The following ASXL2 variants were observed in gnomAD, a reference collection of about 807,000 sequenced individuals.
ASXL2 encodes putative Polycomb group protein ASXL2.
Under a neutral mutation model 122.0 loss-of-function variants are expected in ASXL2, and 23 were observed. The observed-to-expected ratio is 0.19, with a 90% confidence interval of 0.14 to 0.27. The LOEUF (loss-of-function observed/expected upper bound fraction) is 0.27. ASXL2 is among the 10% of genes least tolerant of loss of function. The probability of loss-of-function intolerance (pLI) is 1.00; values close to 1 mark genes in which losing one functional copy is unlikely to be tolerated. For missense variants in ASXL2, 1,518 were observed against 1,713.8 expected, an observed-to-expected ratio of 0.89 and a Z score of 2.02; for synonymous variants, 650 against 637.0, an observed-to-expected ratio of 1.02 and a Z score of -0.31.
At chr2:25,746,447 AAAG>A (rs1459921027) in intron 12 of ASXL2, among the ~76,000 whole-genome samples, 1 of 151,938 alleles carries the variant, frequency 6.6e-6, no homozygotes, top group Non-Finnish European at 1.5e-5. Context: ...CTACAGTAAG[AAAG>A]AAGCAGTTAT....
chr2:25,775,675 G>A (rs979212685), intron 5 of ASXL2, among the ~76,000 whole-genome samples: 3 of 152,018 alleles, frequency 2.0e-5, no homozygotes, highest in African/African-American at 7.3e-5. Flanking sequence ...GTTGTTTCCT[G>A]AGGCCTCCCC....
chr2:25,835,483 A>T, intron 3 of ASXL2, 55 bp downstream of exon 3: 2 of 230,904 alleles, frequency 8.7e-6, no homozygotes, highest in South Asian at 8.5e-5. Context: ...TAAATTTATA[A>T]AAGTGTGCTT....
intron 10 of ASXL2, among the ~76,000 whole-genome samples, chr2:25,754,457 T>C (rs1038695427): frequency 6.6e-6 from 1 of 151,996 alleles, no homozygotes; most frequent in South Asian, 2.1e-4. Flanking sequence ...AGAGGAAAAG[T>C]GTTAGAGGAC....
intron 4 of ASXL2, among the ~76,000 whole-genome samples, chr2:25,800,530 A>C (rs1185602853): frequency 6.6e-6 from 1 of 152,180 alleles, no homozygotes; most frequent in Non-Finnish European, 1.5e-5. Flanking sequence ...AAAAAGAAAG[A>C]AATCATTTAA....
At chr2:25,843,907 T>C (rs765183748) in intron 2 of ASXL2, among the ~76,000 whole-genome samples, 6 of 151,722 alleles carry the variant, frequency 4.0e-5, no homozygotes, top group Non-Finnish European at 8.8e-5. Flanking sequence ...AAATACACTG[T>C]CTATTTACAA....
chr2:25,816,119 C>T (rs1460075203), intron 3 of ASXL2, among the ~76,000 whole-genome samples: 1 of 151,940 alleles, frequency 6.6e-6, no homozygotes, highest in Non-Finnish European at 1.5e-5. Flanking sequence ...TGCGGTGGCT[C>T]ACACCTGTAA....
At chr2:25,816,084 A>G (rs1390733309) in intron 3 of ASXL2, among the ~76,000 whole-genome samples, 1 of 152,130 alleles carries the variant, frequency 6.6e-6, no homozygotes, top group Non-Finnish European at 1.5e-5. Context: ...AGAAACATCT[A>G]AATTTTTCCT....
intron 3 of ASXL2, among the ~76,000 whole-genome samples, chr2:25,816,372 G>A (rs932003697): frequency 6.6e-6 from 1 of 152,148 alleles, no homozygotes; most frequent in African/African-American, 2.4e-5. Context: ...TCACACCATC[G>A]TGTGACCTTG....
At chr2:25,836,324 T>C (rs1243045504) in intron 2 of ASXL2, among the ~76,000 whole-genome samples, 2 of 152,204 alleles carry the variant, frequency 1.3e-5, no homozygotes, top group Non-Finnish European at 2.9e-5. Context: ...ATGTTCTTCA[T>C]TCTAAAACTA....
At chr2:25,782,903 G>A (rs540235925) in intron 5 of ASXL2, among the ~76,000 whole-genome samples, 3 of 152,230 alleles carry the variant, frequency 2.0e-5, no homozygotes, top group East Asian at 1.9e-4. Flanking sequence ...CAAGGTGGGC[G>A]GATCACTTGA....
At chr2:25,758,731 A>G (rs925448716) in intron 9 of ASXL2, among the ~76,000 whole-genome samples, 2 of 144,492 alleles carry the variant, frequency 1.4e-5, no homozygotes, top group African/African-American at 2.6e-5. Context: ...GTTCTTTACT[A>G]TGAAAGTAAT....
intron 1 of ASXL2, among the ~76,000 whole-genome samples, chr2:25,850,855 A>G (rs1435374383): frequency 2.6e-5 from 4 of 152,226 alleles, no homozygotes; most frequent in Admixed American, 2.6e-4. Context: ...ATATTAAAAA[A>G]GCAGGATAAG....
chr2:25,814,340 A>T (rs1179347252), intron 3 of ASXL2, among the ~76,000 whole-genome samples: 1 of 152,238 alleles, frequency 6.6e-6, no homozygotes, highest in Admixed American at 6.5e-5. Flanking sequence ...GAGCTCCAGA[A>T]TTCTATAATT....
rs60065368 is a variant in ASXL2 at position 25,762,665 on chromosome 2, G to GAAAA, written c.776-3024_776-3021dup. Among the ~76,000 whole-genome samples, 4 of 34,252 alleles carry GAAAA rather than the reference G, an allele frequency of 1.2e-4. No homozygotes were observed. The East Asian group carries it at 2.6e-3, about 22-fold the overall frequency. The allele number at this position is 34,252 out of a possible 152,430, so 22.5% of individuals were successfully genotyped here. ...GGGTGACAGAGCGAGACTCTTTCTC[G>GAAAA]AAAAAAAAAAAAAAAAAAAAAAAAG... On this transcript the variant is annotated intron_variant, in intron 8 of 12. Transcript: ENST00000435504.
At chr2:25,872,047 G>A (rs2089965726) in intron 1 of ASXL2, among the ~76,000 whole-genome samples, 1 of 152,036 alleles carries the variant, frequency 6.6e-6, no homozygotes, top group Non-Finnish European at 1.5e-5. Flanking sequence ...CAGATCTATG[G>A]GATAAATGTA....
chr2:25,770,627 T>C (rs1167198915), intron 6 of ASXL2, among the ~76,000 whole-genome samples: 1 of 151,982 alleles, frequency 6.6e-6, no homozygotes, highest in Non-Finnish European at 1.5e-5. Context: ...TGGTGATGGG[T>C]GCCTGTAATC....
intron 8 of ASXL2, among the ~76,000 whole-genome samples, chr2:25,765,670 G>T: frequency 6.6e-6 from 1 of 151,996 alleles, no homozygotes. Flanking sequence ...AGTTTTCCAT[G>T]AAAGTTAAAA....
chr2:25,800,333 T>G (rs1006520314), intron 4 of ASXL2, among the ~76,000 whole-genome samples: 6 of 152,104 alleles, frequency 3.9e-5, no homozygotes, highest in Non-Finnish European at 7.4e-5. Context: ...TAAATATATG[T>G]ATGTCCATGT....
At position 25,744,500 on chromosome 2, in the gene ASXL2, A is replaced by G; in HGVS notation, c.1861-24T>C. On this transcript the variant is annotated intron_variant, in intron 12 of 12. Coordinates refer to ENST00000435504, the MANE Select transcript of ASXL2 (RefSeq NM_018263.6). The surrounding 1 kb of genome is among the most constrained non-coding windows in gnomAD (Gnocchi z 4.7). ...ATCTGAAAGAAGTAGAGGGGAAAAA[A>G]ACAACAGAGCTTAGTTTTCATTTGT... 6.4e-7 allele frequency: 1 copy of G among 1,564,900 alleles called. No homozygotes were observed. Among genetic ancestry groups the G allele is most frequent in the East Asian group, 2.2e-5 (1 of 44,602 alleles).
Sources: allele counts gnomAD v4.1 joint callset (sites outside exome capture counted in the v4.1 genomes callset), GRCh38; gene constraint gnomAD v4.1.1; non-coding constraint Gnocchi (gnomAD v3.1); transcripts MANE v1.5; gene names NCBI Gene and HGNC (gene_info 2026-07-23, HGNC 2026-07-21).